The following BRD10 variants were observed in gnomAD, a reference collection of about 807,000 sequenced individuals.
BRD10 encodes bromodomain containing 10.
chr9:6,007,695 C>A, the BRD10 span: 2 of 1,609,748 alleles, frequency 1.2e-6, no homozygotes, highest in African/African-American at 2.7e-5. Flanking sequence ...CCGCTGCCAC[C>A]TCCTCCTCGT....
At chr9:5,964,291 A>G in the BRD10 span, among the ~76,000 whole-genome samples, 1 of 150,016 alleles carries the variant, frequency 6.7e-6, no homozygotes, top group Non-Finnish European at 1.5e-5. Flanking sequence ...TGCAGCCAAA[A>G]AACACATGAA....
chr9:5,927,346 C>T, the BRD10 span, among the ~76,000 whole-genome samples: 38 of 152,270 alleles, frequency 2.5e-4, no homozygotes, highest in South Asian at 3.9e-3. Context: ...TACCAAATGT[C>T]CCTTCCTTTA....
the BRD10 span, among the ~76,000 whole-genome samples, chr9:5,930,315 A>G: frequency 6.7e-6 from 1 of 150,068 alleles, no homozygotes; most frequent in Non-Finnish European, 1.5e-5. Flanking sequence ...ACCACTATCT[A>G]GAGCAAAAAC....
chr9:5,960,280 G>T, the BRD10 span, among the ~76,000 whole-genome samples: 1 of 152,162 alleles, frequency 6.6e-6, no homozygotes, highest in African/African-American at 2.4e-5. Flanking sequence ...AATAACTACT[G>T]GCCGGGCGTG....
chr9:5,976,468 G>C, the BRD10 span, among the ~76,000 whole-genome samples: 2 of 152,272 alleles, frequency 1.3e-5, no homozygotes, highest in East Asian at 3.9e-4. Context: ...GTCAGAAACT[G>C]GGTTTGTTTA....
the BRD10 span, among the ~76,000 whole-genome samples, chr9:5,905,967 T>A: frequency 2.6e-5 from 4 of 152,228 alleles, no homozygotes; most frequent in African/African-American, 4.8e-5. Flanking sequence ...TTGCTGTTAT[T>A]AATTTCAAGT....
At chr9:5,984,537 T>G in the BRD10 span, among the ~76,000 whole-genome samples, 4 of 152,072 alleles carry the variant, frequency 2.6e-5, no homozygotes, top group Non-Finnish European at 5.9e-5. Context: ...AAAAGGGACA[T>G]AATAAGAAAG....
At chr9:5,948,883 A>T in the BRD10 span, among the ~76,000 whole-genome samples, 1 of 152,134 alleles carries the variant, frequency 6.6e-6, no homozygotes, top group African/African-American at 2.4e-5. Flanking sequence ...GCATCTGCTA[A>T]AACTATGCAG....
chr9:5,949,686 A>T, the BRD10 span, among the ~76,000 whole-genome samples: 4 of 152,182 alleles, frequency 2.6e-5, no homozygotes, highest in Non-Finnish European at 5.9e-5. Flanking sequence ...GACTTAGGGT[A>T]ACTAAGGCTG....
chr9:5,983,123 G>A, the BRD10 span, among the ~76,000 whole-genome samples: 2 of 152,100 alleles, frequency 1.3e-5, no homozygotes, highest in East Asian at 3.8e-4. Context: ...ATATTAATAA[G>A]GTAGCAATTC....
chr9:5,908,740 T>C, the BRD10 span: 13 of 1,585,458 alleles, frequency 8.2e-6, no homozygotes, highest in African/African-American at 6.7e-5. Context: ...CATGCTGAAA[T>C]TATTTCTCTC....
At chr9:6,005,103 G>T in the BRD10 span, among the ~76,000 whole-genome samples, 2 of 152,146 alleles carry the variant, frequency 1.3e-5, no homozygotes, top group South Asian at 2.1e-4. Context: ...GATACTATTA[G>T]ATCACATGGG....
the BRD10 span, among the ~76,000 whole-genome samples, chr9:5,960,956 A>T: frequency 2.6e-5 from 4 of 152,242 alleles, no homozygotes; most frequent in Non-Finnish European, 5.9e-5. Context: ...CAGATTGTTA[A>T]AATGGTATGT....
chr9:5,919,667 GCT>G, the BRD10 span: 1 of 1,568,982 alleles, frequency 6.4e-7, no homozygotes, highest in East Asian at 2.3e-5. Flanking sequence ...TTAAAAACTG[GCT>G]CTTTTAGTCT....
chr9:6,005,775 G>A, the BRD10 span, among the ~76,000 whole-genome samples: 7 of 152,306 alleles, frequency 4.6e-5, no homozygotes, highest in East Asian at 1.3e-3. Flanking sequence ...GCACTGTGGA[G>A]ACAAGGGTAA....
the BRD10 span, among the ~76,000 whole-genome samples, chr9:5,955,303 G>A: frequency 6.6e-6 from 1 of 151,266 alleles, no homozygotes; most frequent in African/African-American, 2.4e-5. Context: ...TCTACACAAG[G>A]GCACAAAAAA....
the BRD10 span, chr9:5,919,647 GC>G: frequency 6.5e-7 from 1 of 1,540,588 alleles, no homozygotes; most frequent in South Asian, 1.2e-5. Flanking sequence ...TCAAAACAAT[GC>G]CCCATTATTT....
At chr9:5,902,469 C>CT in the BRD10 span, among the ~76,000 whole-genome samples, 2,283 of 146,088 alleles carry the variant, frequency 0.016, 41 homozygotes, top group African/African-American at 0.043. Flanking sequence ...TCTTTCTTTC[C>CT]TTTTTTTTTT....
At chr9:5,988,446 T>C in the BRD10 span, 1 of 1,614,010 alleles carries the variant, frequency 6.2e-7, no homozygotes. Context: ...TTCGCGGTGT[T>C]GACCGACGCC....
Sources: allele counts gnomAD v4.1 joint callset (sites outside exome capture counted in the v4.1 genomes callset), GRCh38; gene constraint gnomAD v4.1.1; transcripts MANE v1.5; gene names NCBI Gene and HGNC (gene_info 2026-07-23, HGNC 2026-07-21).